TAFA2: variants seen among roughly 807,000 people sequenced by gnomAD.
The protein encoded by TAFA2 is TAFA chemokine like family member 2.
A neutral mutation model predicts 18.8 loss-of-function variants in TAFA2; 7 were observed. The ratio of observed to expected loss-of-function variants is 0.37; its 90% CI spans 0.21 to 0.70. The LOEUF (loss-of-function observed/expected upper bound fraction) is 0.70, where lower values mean the gene tolerates loss of function less well. TAFA2 is among the 30% of genes least tolerant of loss of function. TAFA2 has a pLI of 0.53. For synonymous variants in TAFA2, 60 were observed against 54.2 expected, an observed-to-expected ratio of 1.11 and a Z score of -0.47; for missense variants, 122 against 158.1, an observed-to-expected ratio of 0.77 and a Z score of 1.23.
intron 2 of TAFA2, among the ~76,000 whole-genome samples, chr12:61,810,624 T>C (rs990085383): frequency 2.0e-5 from 3 of 151,142 alleles, no homozygotes; most frequent in East Asian, 3.9e-4. Flanking sequence ...TTGAGAGTTG[T>C]TGCTAGAAAG....
intron 2 of TAFA2, among the ~76,000 whole-genome samples, chr12:61,763,675 A>G (rs760481254): frequency 1.3e-5 from 2 of 151,946 alleles, no homozygotes; most frequent in Non-Finnish European, 2.9e-5. Context: ...ACATGAGCCA[A>G]AAGTATGTCT....
At chr12:61,915,116 G>A (rs112537817) in intron 1 of TAFA2, among the ~76,000 whole-genome samples, 2,227 of 152,224 alleles carry the variant, frequency 0.015, 24 homozygotes, top group Non-Finnish European at 0.02. Context: ...AGCCAAGATC[G>A]TGCCACTGCT....
intron 1 of TAFA2, among the ~76,000 whole-genome samples, chr12:61,886,396 T>A (rs1220436498): frequency 6.6e-6 from 1 of 152,160 alleles, no homozygotes; most frequent in Non-Finnish European, 1.5e-5. Flanking sequence ...CACTGCCCCA[T>A]GGAATGCTGC....
chr12:61,867,255 T>C (rs769941139), intron 2 of TAFA2, 65 bp downstream of exon 2: 37 of 1,042,472 alleles, frequency 3.5e-5, no homozygotes, highest in Non-Finnish European at 4.7e-5. Context: ...AGGCAAAACA[T>C]AACAGTCTGT....
intron 4 of TAFA2, among the ~76,000 whole-genome samples, chr12:61,737,876 A>T (rs942505696): frequency 1.3e-5 from 2 of 152,066 alleles, no homozygotes; most frequent in African/African-American, 4.8e-5. Context: ...TCCTTCACAA[A>T]GCATAGAACA....
chr12:62,158,554 G>A (rs1424057490), intron 1 of TAFA2, among the ~76,000 whole-genome samples: 1 of 152,186 alleles, frequency 6.6e-6, no homozygotes, highest in Non-Finnish European at 1.5e-5. Context: ...AAACCTATGA[G>A]CTAACTTTCC....
chr12:61,835,368 G>T (rs777773720), intron 2 of TAFA2, among the ~76,000 whole-genome samples: 2 of 151,834 alleles, frequency 1.3e-5, no homozygotes, highest in Non-Finnish European at 2.9e-5. Context: ...ATTTTGGGGG[G>T]CCTGGCTTAT....
rs1565730985 is a variant in TAFA2, at chr12:62,059,127, A to ATGTGTG, written c.-2+132131_-2+132132insCACACA. 2.8e-4 allele frequency among the ~76,000 whole-genome samples: 23 copies of ATGTGTG among 83,216 alleles called. 1 individual carries two copies. The highest frequency in any genetic ancestry group is 1.1e-3 in the African/African-American group (23 of 20,904). The allele number at this position is 83,216 out of a possible 152,430, so 54.6% of individuals were successfully genotyped here. ...CAAAAAAAATAATAATAATATATATATATGTGTGTATATGTGTGTGTGTGT... is the reference window on the plus strand; with the variant it reads ...CAAAAAAAATAATAATAATATATATATGTGTGTATGTGTGTATATGTGTGTGTGTGT... On this transcript the variant is annotated intron_variant, in intron 1 of 4. Transcript: ENST00000416284.
intron 2 of TAFA2, among the ~76,000 whole-genome samples, chr12:61,831,935 C>T (rs903045827): frequency 1.3e-5 from 2 of 152,020 alleles, no homozygotes; most frequent in Non-Finnish European, 2.9e-5. Flanking sequence ...AAATCTAATT[C>T]ATTCCATCTA....
intron 1 of TAFA2, among the ~76,000 whole-genome samples, chr12:62,183,994 A>G (rs993193665): frequency 3.9e-5 from 6 of 152,192 alleles, no homozygotes; most frequent in African/African-American, 1.4e-4. Flanking sequence ...ATGCAGATAA[A>G]GCAACATTAC....
At chr12:61,877,918 T>C (rs200315512) in intron 1 of TAFA2, among the ~76,000 whole-genome samples, 4,967 of 78,504 alleles carry the variant, frequency 0.063, 133 homozygotes, top group African/African-American at 0.12. Flanking sequence ...TATATATATA[T>C]ATATATACAC....
intron 1 of TAFA2, among the ~76,000 whole-genome samples, chr12:62,162,675 G>A (rs892117715): frequency 6.6e-6 from 1 of 152,072 alleles, no homozygotes; most frequent in Non-Finnish European, 1.5e-5. Context: ...GCTTTCTCTG[G>A]CCCCAACTAG....
Position 62,211,371 on chromosome 12 carries a change from G to A in TAFA2, c.-130+47392C>T, listed in dbSNP as rs543609600. Among the ~76,000 whole-genome samples the A allele has an allele frequency of 3.9e-5, 6 of 152,220 alleles. No individual in the cohort carries two copies. In the East Asian group the frequency reaches 7.7e-4, roughly 20 times the overall value. Reference sequence around the variant, plus strand: ...AAGGCAGGTGGATCAAGGAGGTCAGGACATCGAGACCATCTTGGCTAACAT... The same window carrying A: ...AAGGCAGGTGGATCAAGGAGGTCAGAACATCGAGACCATCTTGGCTAACAT... On this transcript the variant is annotated intron_variant, in intron 1 of 5. Transcript: ENST00000551619.
intron 2 of TAFA2, among the ~76,000 whole-genome samples, chr12:61,788,233 C>G (rs12313015): frequency 6.6e-6 from 1 of 151,648 alleles, no homozygotes; most frequent in South Asian, 2.1e-4. Context: ...AATGGAGAGA[C>G]AGACTGCAAC....
intron 1 of TAFA2, among the ~76,000 whole-genome samples, chr12:62,006,083 A>G (rs918810873): frequency 1.3e-5 from 2 of 152,160 alleles, no homozygotes; most frequent in African/African-American, 4.8e-5. Context: ...TATTAAAACT[A>G]CTTCAATCTC....
chr12:62,003,351 A>C (rs920567052), intron 1 of TAFA2, among the ~76,000 whole-genome samples: 1 of 152,068 alleles, frequency 6.6e-6, no homozygotes, highest in Non-Finnish European at 1.5e-5. Context: ...CTGCTAACTC[A>C]ATCCAGGAAG....
At chr12:61,932,596 C>T (rs527603932) in intron 1 of TAFA2, among the ~76,000 whole-genome samples, 233 of 152,262 alleles carry the variant, frequency 1.5e-3, no homozygotes, top group Middle Eastern at 0.01. Flanking sequence ...CCCCCCTCCA[C>T]CACGCCCAGC....
intron 2 of TAFA2, among the ~76,000 whole-genome samples, chr12:61,835,985 T>G (rs1872903231): frequency 6.6e-6 from 1 of 151,864 alleles, no homozygotes. Context: ...GTAAATACAG[T>G]AGAAGTTCCC....
intron 4 of TAFA2, among the ~76,000 whole-genome samples, chr12:61,730,381 A>G (rs898460145): frequency 3.3e-5 from 5 of 152,140 alleles, no homozygotes; most frequent in African/African-American, 1.2e-4. Context: ...AGAGAATATC[A>G]GCTGCAGTAG....
Sources: gnomAD v4.1 joint callset for allele counts (sites outside exome capture counted in the v4.1 genomes callset) on GRCh38, gnomAD v4.1.1 for gene constraint, MANE v1.5 for transcripts, NCBI Gene and HGNC (gene_info 2026-07-23, HGNC 2026-07-21) for gene names.